EPB41L4A: variants seen among roughly 807,000 people sequenced by gnomAD.
EPB41L4A encodes the protein erythrocyte membrane protein band 4.1 like 4A.
Under a neutral mutation model 108.6 loss-of-function variants are expected in EPB41L4A, and 100 were observed. That is an observed-to-expected ratio of 0.92 (90% confidence interval 0.78 to 1.09). The LOEUF is 1.09. Among genes scored for constraint, EPB41L4A ranks in the 50% least tolerant of loss-of-function variants. The pLI, the probability that EPB41L4A is intolerant of heterozygous loss-of-function variation, is 0.00. For missense variants in EPB41L4A, 1,030 were observed against 842.7 expected, an observed-to-expected ratio of 1.22 and a Z score of -2.75; for synonymous variants, 319 against 289.0, an observed-to-expected ratio of 1.10 and a Z score of -1.05.
intron 12 of EPB41L4A, among the ~76,000 whole-genome samples, chr5:112,220,954 C>G (rs1490139244): frequency 6.6e-6 from 1 of 152,192 alleles, no homozygotes; most frequent in Non-Finnish European, 1.5e-5. Flanking sequence ...AGTCATACTT[C>G]TGCATGACTG....
chr5:112,397,870 G>A (rs1434144255), intron 1 of EPB41L4A, among the ~76,000 whole-genome samples: 1 of 152,162 alleles, frequency 6.6e-6, no homozygotes. Context: ...GGATTTGACC[G>A]CAGTTTTCCT....
chr5:112,240,141 T>C lies in EPB41L4A; in HGVS notation c.888-404A>G, dbSNP rs145359536. On this transcript the variant is annotated intron_variant, in intron 10 of 22. Coordinates refer to ENST00000261486, the MANE Select transcript of EPB41L4A (RefSeq NM_022140.5). ...CCTCGTTTCCCAGGATACAACACAC[T>C]CTTCTGACTGCTCCTTCTCATACTC... Among the ~76,000 whole-genome samples the C allele has an allele frequency of 2.0e-3, 312 of 152,240 alleles. 1 individual carries two copies. Among genetic ancestry groups the C allele is most frequent in the African/African-American group, 7.3e-3 (303 of 41,530 alleles).
chr5:112,224,333 AATCT>A (rs771168640), intron 12 of EPB41L4A, among the ~76,000 whole-genome samples: 16 of 152,178 alleles, frequency 1.1e-4, no homozygotes, highest in Non-Finnish European at 2.1e-4. Context: ...TACATTTTAT[AATCT>A]GGGAAGATCT....
intron 18 of EPB41L4A, among the ~76,000 whole-genome samples, chr5:112,173,921 C>T (rs1398229045): frequency 6.6e-6 from 1 of 152,170 alleles, no homozygotes; most frequent in Admixed American, 6.5e-5. Context: ...GGATTGCAGG[C>T]GTGAGCCACT....
chr5:112,407,238 A>G (rs761975227), intron 1 of EPB41L4A, among the ~76,000 whole-genome samples: 7 of 152,292 alleles, frequency 4.6e-5, no homozygotes, highest in Admixed American at 2.0e-4. Context: ...CAAGCGTTTG[A>G]ATACTATTGA....
chr5:112,279,558 C>T (rs968602791), intron 3 of EPB41L4A, among the ~76,000 whole-genome samples: 1 of 152,124 alleles, frequency 6.6e-6, no homozygotes, highest in Non-Finnish European at 1.5e-5. Flanking sequence ...CTGAATTGCA[C>T]ACAAAAATGG....
At chr5:112,198,545 A>T (rs2150278406) in intron 15 of EPB41L4A, among the ~76,000 whole-genome samples, 1 of 152,198 alleles carries the variant, frequency 6.6e-6, no homozygotes, top group African/African-American at 2.4e-5. Context: ...TCAGTTCCGG[A>T]ATATTCGCTT....
Position 112,184,029 on chromosome 5 carries a change from G to A in EPB41L4A, c.1609C>T (p.His537Tyr). The A allele has an allele frequency of 6.2e-7, 1 of 1,614,048 alleles. No individual in the cohort carries two copies. Among genetic ancestry groups the A allele is most frequent in the Non-Finnish European group, 8.5e-7 (1 of 1,179,936 alleles). ...QADPNNRRSRHRSRSRSPDIQ... is the reference protein window; with the variant it reads ...QADPNNRRSRYRSRSRSPDIQ... ...GAGTCCACATACGAACGAGATCTGT[G>A]TCTGGATCGCCTGTTGTTGGGGTCG... Residue 537 changes from histidine (H) to tyrosine (Y), a missense_variant, in exon 18 of 23, where the codon CAC (histidine) becomes TAC (tyrosine). Physicochemically the swap from His to Tyr is moderately conservative, Grantham distance 83. Transcript: ENST00000261486.
chr5:112,294,374 G>A (rs888074849), intron 2 of EPB41L4A, among the ~76,000 whole-genome samples: 1 of 152,190 alleles, frequency 6.6e-6, no homozygotes, highest in Non-Finnish European at 1.5e-5. Flanking sequence ...CTTTCACTCA[G>A]TAACATTACA....
At chr5:112,398,228 T>A (rs1580830302) in intron 1 of EPB41L4A, among the ~76,000 whole-genome samples, 1 of 152,214 alleles carries the variant, frequency 6.6e-6, no homozygotes, top group Admixed American at 6.5e-5. Context: ...CTTTTTCCAA[T>A]GTCAGAAAAC....
At chr5:112,331,924 G>A (rs766178117) in intron 1 of EPB41L4A, among the ~76,000 whole-genome samples, 4 of 152,168 alleles carry the variant, frequency 2.6e-5, no homozygotes, top group Non-Finnish European at 2.9e-5. Context: ...TTCACCCTGC[G>A]CTGTCCAAGT....
At chr5:112,395,327 A>C (rs1026581402) in intron 1 of EPB41L4A, among the ~76,000 whole-genome samples, 5 of 152,360 alleles carry the variant, frequency 3.3e-5, no homozygotes, top group South Asian at 4.1e-4. Flanking sequence ...AATGGGAGAA[A>C]ATTTTTGCAA....
intron 12 of EPB41L4A, among the ~76,000 whole-genome samples, chr5:112,146,686 C>T (rs1027910481): frequency 6.6e-6 from 1 of 152,110 alleles, no homozygotes; most frequent in Non-Finnish European, 1.5e-5. Flanking sequence ...AAAATTAAGA[C>T]CAGTCGAGCT....
chr5:112,190,814 C>G (rs1761660516), intron 17 of EPB41L4A, among the ~76,000 whole-genome samples: 1 of 152,076 alleles, frequency 6.6e-6, no homozygotes. Context: ...AGACCCAGTC[C>G]CAAGTCCTCA....
intron 11 of EPB41L4A, among the ~76,000 whole-genome samples, chr5:112,235,261 G>A (rs1026672223): frequency 2.0e-5 from 3 of 152,174 alleles, no homozygotes; most frequent in African/African-American, 7.2e-5. Flanking sequence ...TGTCCAGGAA[G>A]ACTGAAGGCA....
At chr5:112,290,564 T>C (rs1306516898) in intron 2 of EPB41L4A, among the ~76,000 whole-genome samples, 1 of 152,170 alleles carries the variant, frequency 6.6e-6, no homozygotes, top group Non-Finnish European at 1.5e-5. Context: ...ACCTTAGATC[T>C]CTGGAAAGTT....
At chr5:112,232,727 A>C (rs1176973916) in intron 12 of EPB41L4A, among the ~76,000 whole-genome samples, 1 of 152,206 alleles carries the variant, frequency 6.6e-6, no homozygotes, top group Non-Finnish European at 1.5e-5. Context: ...AATTTCATTT[A>C]CTTCCTATAA....
downstream of EPB41L4A, chr5:112,161,715 T>A (rs1759918800): frequency 4.6e-5 from 22 of 475,972 alleles, no homozygotes; most frequent in South Asian, 3.5e-4. Flanking sequence ...GGAAGATGGA[T>A]GCCTGAAGTG....
chr5:112,337,644 T>C (rs1054825745), intron 1 of EPB41L4A, among the ~76,000 whole-genome samples: 1 of 152,042 alleles, frequency 6.6e-6, no homozygotes, highest in Admixed American at 6.6e-5. Flanking sequence ...TGCTACACCA[T>C]ATACAAGGAT....
Sources: gnomAD v4.1 joint callset for allele counts (sites outside exome capture counted in the v4.1 genomes callset) on GRCh38, gnomAD v4.1.1 for gene constraint, MANE v1.5 for transcripts, NCBI Gene and HGNC (gene_info 2026-07-23, HGNC 2026-07-21) for gene names.